Variants in PTPRK observed in about 807,000 individuals in gnomAD.
PTPRK encodes the protein protein tyrosine phosphatase receptor type K.
A neutral mutation model predicts 178.0 loss-of-function variants in PTPRK; 75 were observed. That is an observed-to-expected ratio of 0.42 (90% confidence interval 0.35 to 0.51). PTPRK has a LOEUF of 0.51. PTPRK is among the 20% of genes least tolerant of loss of function. The pLI, the probability that PTPRK is intolerant of heterozygous loss-of-function variation, is 0.02. For missense variants in PTPRK, 1,441 were observed against 1,797.8 expected (o/e 0.80, Z 3.59); for synonymous variants, 637 against 620.6 (o/e 1.03, Z -0.39).
Position 128,151,640 on chromosome 6 carries a change from A to T in PTPRK, c.1162+32792T>A, listed in dbSNP as rs146214982. Among the ~76,000 whole-genome samples, 106 of 152,206 alleles carry T rather than the reference A, an allele frequency of 7.0e-4. 1 individual carries two copies. The highest frequency in any genetic ancestry group is 2.4e-3 in the African/African-American group (100 of 41,566). ...AAATATAAGTAACATTCAAATAAAG[A>T]TTCTATAAATCTATGCTTCTTTTAC... On this transcript the variant is annotated intron_variant, in intron 7 of 29. Transcript: ENST00000368226.
chr6:128,127,740 A>C (rs1793610740), intron 7 of PTPRK, among the ~76,000 whole-genome samples: 1 of 152,234 alleles, frequency 6.6e-6, no homozygotes, highest in South Asian at 2.1e-4. Context: ...GAATATTGAC[A>C]TATCTGAGAT....
chr6:128,462,543 C>T (rs1403732597), intron 1 of PTPRK, among the ~76,000 whole-genome samples: 2 of 151,578 alleles, frequency 1.3e-5, no homozygotes, highest in East Asian at 3.9e-4. Context: ...CAGAGAAAGA[C>T]AGGAATGGCT....
intron 3 of PTPRK, among the ~76,000 whole-genome samples, chr6:128,290,784 G>C (rs1262999196): frequency 1.3e-5 from 2 of 151,928 alleles, no homozygotes; most frequent in African/African-American, 4.8e-5. Context: ...TAAAAATAGA[G>C]GATAACTATA....
At chr6:128,282,262 G>A (rs1821796171) in intron 3 of PTPRK, among the ~76,000 whole-genome samples, 1 of 152,140 alleles carries the variant, frequency 6.6e-6, no homozygotes, top group Non-Finnish European at 1.5e-5. Context: ...TAAAATACCT[G>A]ACTAGATTTC....
chr6:128,229,253 G>A (rs1280342495), intron 5 of PTPRK, among the ~76,000 whole-genome samples: 3 of 152,112 alleles, frequency 2.0e-5, no homozygotes, highest in Non-Finnish European at 2.9e-5. Flanking sequence ...AATAAAATGA[G>A]ATAAAACCAA....
intron 14 of PTPRK, 110 bp from the exon 15 acceptor site, chr6:128,005,354 T>G: frequency 1.9e-6 from 2 of 1,037,580 alleles, no homozygotes; most frequent in Non-Finnish European, 2.8e-6. Flanking sequence ...CAAACATGGT[T>G]TAGAAACCCC....
chr6:128,425,858 A>G (rs1844067117), intron 1 of PTPRK, among the ~76,000 whole-genome samples: 1 of 152,222 alleles, frequency 6.6e-6, no homozygotes, highest in African/African-American at 2.4e-5. Flanking sequence ...ACATTTCCCA[A>G]TAAGCATCGG....
chr6:128,365,082 T>C (rs181523291), intron 2 of PTPRK, among the ~76,000 whole-genome samples: 12 of 152,136 alleles, frequency 7.9e-5, no homozygotes, highest in Admixed American at 5.2e-4. Context: ...ATTTTGAAAA[T>C]GGCAAAGAAT....
intron 4 of PTPRK, chr6:128,241,300 C>A (rs1474359929): frequency 1.9e-6 from 1 of 533,362 alleles, no homozygotes; most frequent in Non-Finnish European, 3.8e-6. Context: ...TTTACGAACT[C>A]TAGACCAGCA....
intron 15 of PTPRK, chr6:128,003,218 G>A (rs1280822227): frequency 6.2e-7 from 1 of 1,605,100 alleles, no homozygotes; most frequent in Non-Finnish European, 8.5e-7. Flanking sequence ...GTCGGTACAA[G>A]TGGATCATTG....
intron 21 of PTPRK, among the ~76,000 whole-genome samples, chr6:127,990,017 C>T (rs896297071): frequency 2.6e-5 from 4 of 152,066 alleles, no homozygotes; most frequent in African/African-American, 9.7e-5. Context: ...ACTACACCAG[C>T]CACCTTACGT....
chr6:128,230,584 A>G (rs1812131791), intron 5 of PTPRK: 1 of 152,130 alleles, frequency 6.6e-6, no homozygotes, highest in African/African-American at 2.4e-5. Context: ...CCTACGTTTT[A>G]TTTTACAATA....
Position 128,089,912 on chromosome 6 carries a change from A to G in PTPRK, c.1243T>C (p.Tyr415His). ...RIAVDWESLG[Y>H]NITRCHTFNV... is the part of the protein sequence containing the mutation. ...AAAGTGTGGCAACGCGTAATGTTGT[A>G]ACCCAAGGATTCCCAGTCCACAGCA... The change falls in exon 8 of 30, where the codon TAC (tyrosine) becomes CAC (histidine). Residue 415 changes from tyrosine to histidine, a missense_variant. By Grantham distance (83) the Tyr-to-His change is moderately conservative. Around this residue, in one of 4 missense-constraint regions of PTPRK, gnomAD observed 945 missense variants for 1,080.6 expected, o/e 0.87. Transcript: ENST00000368226. 6.2e-7 allele frequency: 1 copy of G among 1,612,454 alleles called. No homozygotes were observed. The highest frequency in any genetic ancestry group is 1.7e-4 in the Middle Eastern group (1 of 6,060).
chr6:128,236,596 C>T (rs571285368), intron 5 of PTPRK, among the ~76,000 whole-genome samples: 168 of 152,172 alleles, frequency 1.1e-3, no homozygotes, highest in Non-Finnish European at 1.7e-3. Flanking sequence ...ATCCACCCAC[C>T]TCGGCGTCCC....
intron 5 of PTPRK, among the ~76,000 whole-genome samples, chr6:128,228,829 A>G (rs926105654): frequency 2.0e-5 from 3 of 152,216 alleles, no homozygotes; most frequent in African/African-American, 7.2e-5. Context: ...AATTATTTGC[A>G]TATCTAGAAA....
chr6:128,371,920 C>T (rs1035627713), intron 2 of PTPRK, among the ~76,000 whole-genome samples: 2 of 151,302 alleles, frequency 1.3e-5, no homozygotes, highest in Admixed American at 6.6e-5. Context: ...TTCCAGATTT[C>T]ATTCTTCATC....
chr6:128,355,715 G>A (rs1271622046), intron 2 of PTPRK, among the ~76,000 whole-genome samples: 1 of 152,128 alleles, frequency 6.6e-6, no homozygotes, highest in East Asian at 1.9e-4. Context: ...GTTAATGGGT[G>A]CAGCACACCA....
intron 3 of PTPRK, among the ~76,000 whole-genome samples, chr6:128,258,939 T>C (rs963955010): frequency 2.0e-5 from 3 of 152,152 alleles, no homozygotes; most frequent in Non-Finnish European, 1.5e-5. Context: ...TGGATTTTAT[T>C]GACTCCATTG....
chr6:128,250,282 T>A (rs1264361340), intron 3 of PTPRK, among the ~76,000 whole-genome samples: 1 of 152,208 alleles, frequency 6.6e-6, no homozygotes, highest in Non-Finnish European at 1.5e-5. Context: ...TTAGAGAATA[T>A]TTGGGAAAAA....
Sources: gnomAD v4.1 joint callset for allele counts (sites outside exome capture counted in the v4.1 genomes callset) on GRCh38, gnomAD v4.1.1 for gene constraint, gnomAD v4.1.1 regional missense constraint, MANE v1.5 for transcripts, NCBI Gene and HGNC (gene_info 2026-07-23, HGNC 2026-07-21) for gene names.